Variants in RAD51B observed in about 807,000 individuals in gnomAD.
The protein encoded by RAD51B is RAD51 paralog B, also known as DNA repair protein RAD51 homolog 2.
In RAD51B, 38 loss-of-function variants were observed where a neutral mutation model predicts 42.2. That is an observed-to-expected ratio of 0.90 (90% CI 0.70 to 1.18). The LOEUF (loss-of-function observed/expected upper bound fraction) is 1.18, where lower values mean the gene tolerates loss of function less well. Among genes scored for constraint, RAD51B ranks in the 50% most tolerant of loss-of-function variants. The pLI, the probability that RAD51B is intolerant of heterozygous loss-of-function variation, is 0.00. For missense variants in RAD51B, 373 were observed against 400.7 expected (o/e 0.93, Z 0.59); for synonymous variants, 154 against 145.2 (o/e 1.06, Z -0.43).
chr14:68,241,262 G>A (rs1294930135), intron 7 of RAD51B, among the ~76,000 whole-genome samples: 6 of 152,180 alleles, frequency 3.9e-5, no homozygotes, highest in African/African-American at 1.4e-4. Flanking sequence ...TTGTCAATCA[G>A]GCGGGCGTGG....
At chr14:68,507,327 T>C (rs560107898) in intron 10 of RAD51B, among the ~76,000 whole-genome samples, 1 of 152,300 alleles carries the variant, frequency 6.6e-6, no homozygotes, top group Non-Finnish European at 1.5e-5. Flanking sequence ...TTGTTCTTCT[T>C]TGAGCTTTAC....
intron 7 of RAD51B, among the ~76,000 whole-genome samples, chr14:68,045,236 C>CAAAAAAAAAAAA (rs537073885): frequency 1.6e-3 from 35 of 22,078 alleles, no homozygotes; most frequent in Non-Finnish European, 2.1e-3. Flanking sequence ...AACTCTGTCT[C>CAAAAAAAAAAAA]AAAAAAAAAA....
chr14:68,055,524 T>A (rs144143551), intron 7 of RAD51B, among the ~76,000 whole-genome samples: 1 of 152,210 alleles, frequency 6.6e-6, no homozygotes, highest in African/African-American at 2.4e-5. Context: ...ATGCTAGATA[T>A]AGAAATCTTC....
At chr14:67,820,772 G>A (rs1261962319) in intron 1 of RAD51B, among the ~76,000 whole-genome samples, 1 of 152,078 alleles carries the variant, frequency 6.6e-6, no homozygotes, top group Non-Finnish European at 1.5e-5. Flanking sequence ...ATTAAATGAT[G>A]ATTGCTGACC....
chr14:67,839,699 T>C (rs958353762), intron 4 of RAD51B, among the ~76,000 whole-genome samples: 2 of 152,034 alleles, frequency 1.3e-5, no homozygotes, highest in African/African-American at 2.4e-5. Flanking sequence ...GCCATTTTCT[T>C]ATTATCTCCT....
intron 8 of RAD51B, among the ~76,000 whole-genome samples, chr14:68,373,384 A>C (rs55749276): frequency 6.6e-6 from 1 of 152,006 alleles, no homozygotes; most frequent in Non-Finnish European, 1.5e-5. Flanking sequence ...ATGCCCATCA[A>C]TGATAGACTG....
At chr14:67,839,771 C>G (rs61987496) in intron 4 of RAD51B, among the ~76,000 whole-genome samples, 1 of 151,650 alleles carries the variant, frequency 6.6e-6, no homozygotes, top group Non-Finnish European at 1.5e-5. Flanking sequence ...GATATTTAAT[C>G]TATTAATTTT....
intron 8 of RAD51B, among the ~76,000 whole-genome samples, chr14:68,321,009 ACCT>A (rs2082148085): frequency 6.7e-6 from 1 of 149,928 alleles, no homozygotes; most frequent in Non-Finnish European, 1.5e-5. Context: ...AAGTATAGAA[ACCT>A]CCTCTTTTCT....
At chr14:68,274,646 A>AAATGTCACAAAT (rs1248406714) in intron 7 of RAD51B, among the ~76,000 whole-genome samples, 4 of 152,346 alleles carry the variant, frequency 2.6e-5, no homozygotes, top group South Asian at 2.1e-4. Flanking sequence ...ATAAAATAAT[A>AAATGTCACAAAT]AATGTCACAA....
At chr14:67,841,274 C>G (rs376022481) in intron 4 of RAD51B, among the ~76,000 whole-genome samples, 11 of 152,102 alleles carry the variant, frequency 7.2e-5, no homozygotes, top group African/African-American at 2.7e-4. Flanking sequence ...TTAATGGGGT[C>G]ATTTTTTGCT....
At chr14:68,418,846 A>C (rs1004991737) in intron 9 of RAD51B, among the ~76,000 whole-genome samples, 1 of 152,214 alleles carries the variant, frequency 6.6e-6, no homozygotes, top group Non-Finnish European at 1.5e-5. Flanking sequence ...AGGGAAAGTA[A>C]AAAGGAAAGA....
At chr14:67,828,051 T>C (rs2040892841) in intron 3 of RAD51B, among the ~76,000 whole-genome samples, 1 of 152,220 alleles carries the variant, frequency 6.6e-6, no homozygotes, top group Non-Finnish European at 1.5e-5. Flanking sequence ...TCTAGGTCTT[T>C]GAGGAATTGC....
chr14:67,865,932 A>G (rs1019386159), intron 5 of RAD51B, among the ~76,000 whole-genome samples: 8 of 152,238 alleles, frequency 5.3e-5, no homozygotes, highest in Non-Finnish European at 1.0e-4. Context: ...TAATGGATCT[A>G]GGCATTTAAC....
chr14:67,936,165 T>A (rs2044939329), intron 7 of RAD51B, among the ~76,000 whole-genome samples: 1 of 152,174 alleles, frequency 6.6e-6, no homozygotes, highest in South Asian at 2.1e-4. Context: ...ATTGACAGAT[T>A]GTGCAACGAT....
intron 10 of RAD51B, among the ~76,000 whole-genome samples, chr14:68,578,834 G>A (rs1361614475): frequency 6.6e-6 from 1 of 152,212 alleles, no homozygotes. Context: ...TCAAGGGATA[G>A]CTAATGGGTG....
At chr14:68,682,138 C>G (rs1185242805) in intron 11 of RAD51B, among the ~76,000 whole-genome samples, 1 of 152,096 alleles carries the variant, frequency 6.6e-6, no homozygotes, top group African/African-American at 2.4e-5. Flanking sequence ...GAAGGGGACA[C>G]AATCCCAATT....
chr14:68,433,108 G>C (rs533550095), intron 9 of RAD51B, among the ~76,000 whole-genome samples: 1 of 152,332 alleles, frequency 6.6e-6, no homozygotes, highest in Admixed American at 6.5e-5. Flanking sequence ...AGTTTCTGCT[G>C]AGAGATCAGC....
intron 8 of RAD51B, among the ~76,000 whole-genome samples, chr14:68,356,557 A>C (rs886130803): frequency 9.1e-4 from 139 of 152,300 alleles, no homozygotes; most frequent in African/African-American, 3.2e-3. Context: ...TAAAAAAAAA[A>C]ATGCTAGGGA....
chr14:68,597,535 G>A (rs1891052068), downstream of RAD51B, among the ~76,000 whole-genome samples: 1 of 152,188 alleles, frequency 6.6e-6, no homozygotes. Flanking sequence ...AGAAACTAAT[G>A]CAAGAACAGA....
Sources: gnomAD v4.1 joint callset for allele counts (sites outside exome capture counted in the v4.1 genomes callset) on GRCh38, gnomAD v4.1.1 for gene constraint, MANE v1.5 for transcripts, NCBI Gene and HGNC (gene_info 2026-07-23, HGNC 2026-07-21) for gene names.